The following MGMT variants were observed in gnomAD, a reference collection of about 807,000 sequenced individuals.
The protein encoded by MGMT is methylated-DNA--protein-cysteine methyltransferase.
Under a neutral mutation model 15.9 loss-of-function variants are expected in MGMT, and 14 were observed. The ratio of observed to expected loss-of-function variants is 0.88; its 90% confidence interval spans 0.58 to 1.37. MGMT has a LOEUF of 1.37. Among genes scored for constraint, MGMT ranks in the 40% most tolerant of loss-of-function variants. MGMT has a pLI of 0.00. For missense variants in MGMT, 282 were observed against 268.1 expected (o/e 1.05, Z -0.36); for synonymous variants, 130 against 118.2 (o/e 1.10, Z -0.65).
At chr10:129,467,448 C>T in intron 1 of MGMT, 152 bp downstream of exon 1, 1 of 984,554 alleles carries the variant, frequency 1.0e-6, no homozygotes, top group South Asian at 4.7e-5. Context: ...CCAGGTGCGC[C>T]CCAAGTGCCT....
At chr10:129,740,900 T>A (rs1848624097) in intron 3 of MGMT, among the ~76,000 whole-genome samples, 1 of 152,212 alleles carries the variant, frequency 6.6e-6, no homozygotes, top group Non-Finnish European at 1.5e-5. Context: ...GATAATTGCA[T>A]TTTAAGCCCA....
At chr10:129,513,561 A>G (rs2119704011) in intron 1 of MGMT, among the ~76,000 whole-genome samples, 1 of 152,194 alleles carries the variant, frequency 6.6e-6, no homozygotes, top group East Asian at 1.9e-4. Flanking sequence ...CAGGTCTAGG[A>G]GTGCAGGGGT....
intron 2 of MGMT, among the ~76,000 whole-genome samples, chr10:129,654,915 A>G (rs1206693045): frequency 2.0e-5 from 3 of 152,180 alleles, no homozygotes; most frequent in Non-Finnish European, 4.4e-5. Context: ...TCTAACTCAG[A>G]GAAGTGGGAT....
intron 1 of MGMT, among the ~76,000 whole-genome samples, chr10:129,470,391 T>TA (rs1011972106): frequency 6.6e-6 from 1 of 152,166 alleles, no homozygotes; most frequent in Admixed American, 6.5e-5. Flanking sequence ...TCTTTTGACT[T>TA]AAAAAAATTA....
At chr10:129,651,793 G>A (rs1847461483) in intron 2 of MGMT, among the ~76,000 whole-genome samples, 1 of 152,188 alleles carries the variant, frequency 6.6e-6, no homozygotes, top group South Asian at 2.1e-4. Flanking sequence ...GCCCTGCAGA[G>A]TGTGAGTTCT....
At chr10:129,484,646 A>ATG (rs765835676) in intron 1 of MGMT, among the ~76,000 whole-genome samples, 23 of 152,042 alleles carry the variant, frequency 1.5e-4, no homozygotes, top group African/African-American at 5.1e-4. Flanking sequence ...TCTGCTTCTC[A>ATG]TGTGTGTGTG....
At chr10:129,637,105 A>G (rs987861230) in intron 2 of MGMT, among the ~76,000 whole-genome samples, 3 of 152,236 alleles carry the variant, frequency 2.0e-5, no homozygotes, top group African/African-American at 7.2e-5. Flanking sequence ...TGGTGTGACA[A>G]GTAACATAAT....
At chr10:129,492,248 C>G (rs1845476445) in intron 1 of MGMT, among the ~76,000 whole-genome samples, 1 of 152,136 alleles carries the variant, frequency 6.6e-6, no homozygotes, top group African/African-American at 2.4e-5. Context: ...CCCATGGTCT[C>G]TTTCTCCTCA....
At chr10:129,538,964 C>A (rs1170959310) in intron 2 of MGMT, among the ~76,000 whole-genome samples, 1 of 152,054 alleles carries the variant, frequency 6.6e-6, no homozygotes, top group Non-Finnish European at 1.5e-5. Context: ...TTAGAGGTTT[C>A]TTGTTTGTGT....
intron 3 of MGMT, among the ~76,000 whole-genome samples, chr10:129,744,005 A>G (rs184029838): frequency 1.3e-5 from 2 of 152,256 alleles, no homozygotes; most frequent in African/African-American, 4.8e-5. Context: ...AGAGGAGGAC[A>G]GCCTCTGCTT....
intron 2 of MGMT, among the ~76,000 whole-genome samples, chr10:129,671,326 G>A (rs1162775289): frequency 6.6e-6 from 1 of 152,142 alleles, no homozygotes; most frequent in Non-Finnish European, 1.5e-5. Context: ...GTCCTGGTAG[G>A]AATATTTACA....
chr10:129,763,386 T>G (rs1010314230), intron 4 of MGMT, among the ~76,000 whole-genome samples: 2 of 152,140 alleles, frequency 1.3e-5, no homozygotes, highest in Non-Finnish European at 2.9e-5. Context: ...GTTCCCTATT[T>G]CTAACGGTAA....
chr10:129,555,565 A>AT (rs1438469021), intron 2 of MGMT, among the ~76,000 whole-genome samples: 1 of 151,886 alleles, frequency 6.6e-6, no homozygotes, highest in Non-Finnish European at 1.5e-5. Context: ...AAAAAAAAAA[A>AT]TTATCCAGGC....
At chr10:129,642,316 G>A (rs2133090705) in intron 2 of MGMT, among the ~76,000 whole-genome samples, 1 of 152,230 alleles carries the variant, frequency 6.6e-6, no homozygotes, top group East Asian at 1.9e-4. Context: ...CAGTGGGGGA[G>A]CTTCTAAGTA....
chr10:129,708,895 A>G (rs571394693), intron 3 of MGMT, among the ~76,000 whole-genome samples: 1 of 152,226 alleles, frequency 6.6e-6, no homozygotes, highest in African/African-American at 2.4e-5. Context: ...ACAGTATTCT[A>G]ATTGCTGCGG....
intron 2 of MGMT, among the ~76,000 whole-genome samples, chr10:129,695,929 T>G (rs1295117889): frequency 6.6e-6 from 1 of 152,128 alleles, no homozygotes; most frequent in African/African-American, 2.4e-5. Flanking sequence ...TGTGACAGCA[T>G]GTGGGCTTGT....
At chr10:129,589,626 T>C (rs1305565026) in intron 2 of MGMT, among the ~76,000 whole-genome samples, 1 of 152,246 alleles carries the variant, frequency 6.6e-6, no homozygotes, top group African/African-American at 2.4e-5. Flanking sequence ...TCAAGTCGGA[T>C]ATCGGCAGCA....
chr10:129,641,648 A>T (rs564196904), intron 2 of MGMT, among the ~76,000 whole-genome samples: 1 of 152,334 alleles, frequency 6.6e-6, no homozygotes, highest in East Asian at 1.9e-4. Flanking sequence ...TGCATGCTAC[A>T]TCTTGGGGAA....
intron 2 of MGMT, among the ~76,000 whole-genome samples, chr10:129,542,370 C>A (rs575858352): frequency 1.3e-5 from 2 of 152,110 alleles, no homozygotes; most frequent in African/African-American, 4.8e-5. Flanking sequence ...GCCATGAGAA[C>A]CTTCCTGGGA....
Sources: gnomAD v4.1 joint callset for allele counts (sites outside exome capture counted in the v4.1 genomes callset) on GRCh38, gnomAD v4.1.1 for gene constraint, MANE v1.5 for transcripts, NCBI Gene and HGNC (gene_info 2026-07-23, HGNC 2026-07-21) for gene names.